The following KCTD8 variants were observed in gnomAD, a reference collection of about 807,000 sequenced individuals.
KCTD8 encodes potassium channel tetramerization domain containing 8.
Under a neutral mutation model 31.5 loss-of-function variants are expected in KCTD8, and 27 were observed. That is an observed-to-expected ratio of 0.86 (90% CI 0.63 to 1.18). The LOEUF is 1.18. KCTD8 is among the 50% of genes most tolerant of loss of function. KCTD8 has a pLI of 0.00. For missense variants in KCTD8, 658 were observed against 647.7 expected (o/e 1.02, Z -0.17); for synonymous variants, 290 against 280.0 (o/e 1.04, Z -0.36).
chr4:44,389,400 C>A (rs1169690292), intron 1 of KCTD8, among the ~76,000 whole-genome samples: 1 of 151,576 alleles, frequency 6.6e-6, no homozygotes, highest in East Asian at 1.9e-4. Flanking sequence ...ATCATAAATA[C>A]ACACACATGA....
At chr4:44,190,256 T>C (rs1366665686) in intron 1 of KCTD8, among the ~76,000 whole-genome samples, 2 of 152,224 alleles carry the variant, frequency 1.3e-5, no homozygotes, top group Non-Finnish European at 2.9e-5. Context: ...CTCCCCCTAG[T>C]TCCAGCTTAA....
intron 1 of KCTD8, among the ~76,000 whole-genome samples, chr4:44,373,147 G>A (rs1278555267): frequency 6.6e-6 from 1 of 151,990 alleles, no homozygotes; most frequent in Non-Finnish European, 1.5e-5. Flanking sequence ...GGTGGATCAC[G>A]AGGTCAGGAG....
At chr4:44,363,858 G>C (rs996456488) in intron 1 of KCTD8, among the ~76,000 whole-genome samples, 1 of 152,120 alleles carries the variant, frequency 6.6e-6, no homozygotes, top group East Asian at 1.9e-4. Context: ...AAAACCATTT[G>C]CGGTGCTTGA....
chr4:44,181,434 G>A (rs1208534271), intron 1 of KCTD8, among the ~76,000 whole-genome samples: 1 of 152,180 alleles, frequency 6.6e-6, no homozygotes, highest in African/African-American at 2.4e-5. Context: ...TTTTGGTGGA[G>A]ACGGGGTTTC....
At chr4:44,317,228 C>CTTTTATTTTTTTT (rs1718157169) in intron 1 of KCTD8, among the ~76,000 whole-genome samples, 1 of 36,536 alleles carries the variant, frequency 2.7e-5, no homozygotes. Flanking sequence ...TGGGTGCTTT[C>CTTTTATTTTTTTT]TTTTTTTTTT....
At chr4:44,295,794 C>T (rs553283422) in intron 1 of KCTD8, among the ~76,000 whole-genome samples, 1 of 152,248 alleles carries the variant, frequency 6.6e-6, no homozygotes, top group South Asian at 2.1e-4. Context: ...CACTGCAGGA[C>T]TGGGAATCAA....
At chr4:44,317,228 CTTTTTTTT>C (rs760060899) in intron 1 of KCTD8, among the ~76,000 whole-genome samples, 1 of 36,536 alleles carries the variant, frequency 2.7e-5, no homozygotes, top group Non-Finnish European at 4.7e-5. Flanking sequence ...TGGGTGCTTT[CTTTTTTTT>C]TTTTTTTTTT....
At chr4:44,330,783 T>C (rs1393066713) in intron 1 of KCTD8, among the ~76,000 whole-genome samples, 2 of 151,964 alleles carry the variant, frequency 1.3e-5, no homozygotes, top group Non-Finnish European at 2.9e-5. Flanking sequence ...CTCAATTTCA[T>C]GCTAGGGTTG....
chr4:44,332,764 T>C (rs546624881), intron 1 of KCTD8, among the ~76,000 whole-genome samples: 1 of 152,158 alleles, frequency 6.6e-6, no homozygotes, highest in South Asian at 2.1e-4. Context: ...AATTCCATCA[T>C]AAATGTTTCC....
intron 1 of KCTD8, among the ~76,000 whole-genome samples, chr4:44,415,185 A>G (rs1011710189): frequency 1.3e-5 from 2 of 152,184 alleles, no homozygotes; most frequent in African/African-American, 4.8e-5. Context: ...GTGATGACTT[A>G]GGGTATGTGC....
intron 1 of KCTD8, among the ~76,000 whole-genome samples, chr4:44,443,344 G>T (rs1401749565): frequency 2.0e-5 from 3 of 152,138 alleles, no homozygotes; most frequent in Non-Finnish European, 4.4e-5. Flanking sequence ...AATTTTAATG[G>T]TATTCACCTA....
At chr4:44,428,300 G>A (rs1721395143) in intron 1 of KCTD8, among the ~76,000 whole-genome samples, 1 of 151,660 alleles carries the variant, frequency 6.6e-6, no homozygotes, top group African/African-American at 2.4e-5. Flanking sequence ...TTTACTTTCA[G>A]TGTAGCTTCA....
chr4:44,309,501 A>G (rs2109398218), intron 1 of KCTD8, among the ~76,000 whole-genome samples: 1 of 152,308 alleles, frequency 6.6e-6, no homozygotes, highest in African/African-American at 2.4e-5. Flanking sequence ...TCTGAGGATC[A>G]ACAATATTCT....
At position 44,174,642 on chromosome 4, in the gene KCTD8, A is replaced by G. The variant is rs557917427; in HGVS notation, c.*148T>C. ...GTTTCTAAAAAGAACAACAACTAAA[A>G]CATAAAAGAAAATACTGTCCCACAT... On this transcript the variant is annotated 3_prime_UTR_variant, in exon 2 of 2. Transcript: ENST00000360029. The G allele has an allele frequency of 1.8e-6, 1 of 544,822 alleles. No individual in the cohort carries two copies. The highest frequency in any genetic ancestry group is 1.9e-5 in the African/African-American group (1 of 52,376). 33.7% of individuals were successfully genotyped at this position (544,822 alleles called of 1,614,324 possible). A position where few individuals can be genotyped will look rare whatever the true frequency, so the allele number is the denominator to read the frequency against.
Position 44,448,549 on chromosome 4 carries a change from C to T in KCTD8, c.-26G>A. ...AGTCCCCCCGCCGCCGGCCCAGTGACCCGAGAGAGCTGCACTTTCTCGTTC... is the reference window on the plus strand; with the variant it reads ...AGTCCCCCCGCCGCCGGCCCAGTGATCCGAGAGAGCTGCACTTTCTCGTTC... On this transcript the variant is annotated 5_prime_UTR_variant, in exon 1 of 2. Coordinates refer to ENST00000360029, the MANE Select transcript of KCTD8 (RefSeq NM_198353.3). This position sits in a 1 kb window ranked among gnomAD's most constrained non-coding sequence, Gnocchi z 4.1. 1 of 1,444,050 alleles carries T rather than the reference C, an allele frequency of 6.9e-7. No individual in the cohort carries two copies. The allele number at this position is 1,444,050 out of a possible 1,614,324, so 89.5% of individuals were successfully genotyped here.
chr4:44,286,884 A>C (rs972596784), intron 1 of KCTD8, among the ~76,000 whole-genome samples: 7 of 152,136 alleles, frequency 4.6e-5, no homozygotes, highest in Non-Finnish European at 8.8e-5. Flanking sequence ...TTCAGGATAG[A>C]AGTAGGTAAC....
rs147623257 is a variant in KCTD8 at position 44,248,215 on chromosome 4, T to C, written c.962-72965A>G. 6.8e-3 allele frequency among the ~76,000 whole-genome samples: 1,030 copies of C among 151,998 alleles called. 8 individuals carry two copies. Among genetic ancestry groups the C allele is most frequent in the Non-Finnish European group, 0.01 (694 of 67,878 alleles). ...TGACATGAAACAATTCAATGATATC[T>C]AACATTACTAGAGTGATTAAATAAA... On this transcript the variant is annotated intron_variant, in intron 1 of 1. Coordinates refer to ENST00000360029, the MANE Select transcript of KCTD8 (RefSeq NM_198353.3).
chr4:44,399,867 G>A (rs1448997672), intron 1 of KCTD8, among the ~76,000 whole-genome samples: 5 of 152,108 alleles, frequency 3.3e-5, no homozygotes, highest in Non-Finnish European at 7.4e-5. Flanking sequence ...AACATCTACT[G>A]TAAAGGGTAT....
chr4:44,392,941 A>T (rs1720408904), intron 1 of KCTD8, among the ~76,000 whole-genome samples: 2 of 152,082 alleles, frequency 1.3e-5, no homozygotes, highest in Admixed American at 1.3e-4. Flanking sequence ...AATATATCAA[A>T]TTGTCAGAGA....
Sources: gnomAD v4.1 joint callset for allele counts (sites outside exome capture counted in the v4.1 genomes callset) on GRCh38, gnomAD v4.1.1 for gene constraint, Gnocchi (gnomAD v3.1) non-coding constraint, MANE v1.5 for transcripts, NCBI Gene and HGNC (gene_info 2026-07-23, HGNC 2026-07-21) for gene names.